The following SELENOO variants were observed in gnomAD, a reference collection of about 807,000 sequenced individuals.
The protein encoded by SELENOO is selenoprotein O.
SELENOO carries 74 observed loss-of-function variants against 58.7 expected under a neutral mutation model. The observed-to-expected ratio is 1.26, with a 90% CI of 1.04 to 1.53. SELENOO has a LOEUF of 1.53. SELENOO is among the 40% of genes most tolerant of loss of function. The probability of loss-of-function intolerance (pLI) is 0.00; values close to 1 mark genes in which losing one functional copy is unlikely to be tolerated. For synonymous variants in SELENOO, 543 were observed against 453.2 expected, an observed-to-expected ratio of 1.20 and a Z score of -2.52; for missense variants, 1,149 against 970.0, an observed-to-expected ratio of 1.18 and a Z score of -2.45.
Position 50,201,419 on chromosome 22 carries a change from C to A in SELENOO, c.383C>A (p.Ala128Glu). The A allele has an allele frequency of 7.4e-7, 1 of 1,354,086 alleles. No homozygotes were observed. Among genetic ancestry groups the A allele is most frequent in the South Asian group, 1.6e-5 (1 of 61,730 alleles). 83.9% of individuals were successfully genotyped at this position (1,354,086 alleles called of 1,614,324 possible). Residue 128 changes from alanine to glutamate, a missense_variant, in exon 1 of 9, where the codon GCG becomes GAG. Physicochemically the swap from Ala to Glu is moderately radical, Grantham distance 107. Transcript: ENST00000380903. ...AEAALFFSGNALLPGAEPAAH... is the reference protein window; with the variant it reads ...AEAALFFSGNELLPGAEPAAH... ...GCCGCGCTGTTCTTCAGCGGCAACGCGCTCCTGCCGGGCGCCGAGCCCGCC... is the reference window on the plus strand; with the variant it reads ...GCCGCGCTGTTCTTCAGCGGCAACGAGCTCCTGCCGGGCGCCGAGCCCGCC...
At position 50,217,393 on chromosome 22, in the gene SELENOO, C is replaced by T. The variant is rs2272853; in HGVS notation, c.*24C>T. On this transcript the variant is annotated 3_prime_UTR_variant, in exon 9 of 9. Coordinates refer to ENST00000380903, the MANE Select transcript of SELENOO (RefSeq NM_031454.2). The stretch of plus-strand genomic sequence containing the variant: ...AACGGCCTCGGCACGCTCCACACCC[C>T]TGGAGTCTCCCGAGGCCCCCATGTG... The T allele has an allele frequency of 6.3e-3, 10,111 of 1,609,054 alleles. 878 individuals carry two copies. The East Asian group carries it at 0.19, about 30-fold the overall frequency.
chr22:50,210,186 G>T lies in SELENOO; in HGVS notation c.945G>T (p.Thr315=). The change falls in exon 4 of 9, where the codon ACG becomes ACT. Residue 315 remains threonine, a synonymous_variant. Coordinates refer to ENST00000380903, the MANE Select transcript of SELENOO (RefSeq NM_031454.2). ...AGCACACTGTCCCACCCCAGGTGAC[G>T]CGGCGCACGGCGCGGATGGTGGCCG... is the stretch of plus-strand genomic sequence containing the variant. The part of the protein sequence containing the change: ...QRNAAFFREV[T]RRTARMVAEW... 6.2e-7 allele frequency: 1 copy of T among 1,613,046 alleles called. No individual in the cohort carries two copies.
At position 50,210,210 on chromosome 22, in the gene SELENOO, C is replaced by T. The variant is rs780623443; in HGVS notation, c.969C>T (p.Ala323=). The part of the protein sequence containing the change: ...EVTRRTARMV[A]EWQCVGFCHG... ...CGCGGCGCACGGCGCGGATGGTGGC[C>T]GAGTGGCAGTGTGTGGGCTTCTGCC... is the stretch of plus-strand genomic sequence containing the variant. The change falls in exon 4 of 9, where the codon GCC becomes GCT. Residue 323 remains alanine, a synonymous_variant. Coordinates refer to ENST00000380903, the MANE Select transcript of SELENOO (RefSeq NM_031454.2). 3.1e-6 allele frequency: 5 copies of T among 1,613,362 alleles called. No individual in the cohort carries two copies. The South Asian group carries it at 3.3e-5, about 11-fold the overall frequency.
Position 50,216,222 on chromosome 22 carries a change from G to A in SELENOO, c.1502+355G>A, listed in dbSNP as rs893173213. 1.8e-3 allele frequency among the ~76,000 whole-genome samples: 272 copies of A among 152,326 alleles called. 5 individuals are homozygous for A. Among genetic ancestry groups the A allele is most frequent in the Non-Finnish European group, 2.6e-4 (18 of 68,020 alleles). On this transcript the variant is annotated intron_variant, in intron 6 of 8. Coordinates refer to ENST00000380903, the MANE Select transcript of SELENOO (RefSeq NM_031454.2). ...GCCCTGTCTGAAGAGTCCCGCCCAC[G>A]TGCAGGATGAGACGTGGAAAATATT...
At chr22:50,206,144 G>T in intron 1 of SELENOO, 173 bp from the exon 2 acceptor site, 1 of 612,648 alleles carries the variant, frequency 1.6e-6, no homozygotes, top group Admixed American at 2.8e-5. Context: ...TGCTGGAACT[G>T]GGCGGTGTTG....
intron 1 of SELENOO, among the ~76,000 whole-genome samples, chr22:50,202,217 A>AAAACAGTACCCAC (rs55778043): frequency 1.3e-5 from 2 of 151,832 alleles, no homozygotes; most frequent in Admixed American, 1.3e-4. Flanking sequence ...AATGACTAGG[A>AAAACAGTACCCAC]AAGTGTACAT....
chr22:50,202,293 C>T (rs1436062549), intron 1 of SELENOO, among the ~76,000 whole-genome samples: 1 of 152,186 alleles, frequency 6.6e-6, no homozygotes, highest in African/African-American at 2.4e-5. Flanking sequence ...CATCACCTCC[C>T]CCTCCAGCAC....
Position 50,201,449 on chromosome 22 carries a change from A to T in SELENOO, c.413A>T (p.His138Leu), listed in dbSNP as rs1602485541. The T allele has an allele frequency of 4.3e-6, 6 of 1,396,280 alleles. No homozygotes were observed. Among genetic ancestry groups the T allele is most frequent in the Non-Finnish European group, 4.7e-6 (5 of 1,069,686 alleles). The allele number at this position is 1,396,280 out of a possible 1,614,324, so 86.5% of individuals were successfully genotyped here. A position where few individuals can be genotyped will look rare whatever the true frequency, so the allele number is the denominator to read the frequency against. The change falls in exon 1 of 9, where the codon CAC becomes CTC. Residue 138 changes from histidine (H) to leucine (L), a missense_variant. Coordinates refer to ENST00000380903, the MANE Select transcript of SELENOO (RefSeq NM_031454.2). ...CTGCCGGGCGCCGAGCCCGCCGCGCACTGCTACTGCGGCCACCAATTCGGC... is the reference window on the plus strand; with the variant it reads ...CTGCCGGGCGCCGAGCCCGCCGCGCTCTGCTACTGCGGCCACCAATTCGGC... ...ALLPGAEPAA[H>L]CYCGHQFGQF... is the part of the protein sequence containing the mutation.
At chr22:50,201,669 G>C (rs1569099033) in intron 1 of SELENOO, 79 bp downstream of exon 1, 1 of 1,082,806 alleles carries the variant, frequency 9.2e-7, no homozygotes, top group Non-Finnish European at 1.2e-6. Flanking sequence ...GCGGTGTTGG[G>C]GGCGTCCGGC....
In SELENOO at chr22:50,201,496, G is replaced by A; in HGVS notation, c.460G>A (p.Asp154Asn). 1.4e-6 allele frequency: 2 copies of A among 1,425,252 alleles called. No homozygotes were observed. The highest frequency in any genetic ancestry group is 1.4e-5 in the South Asian group (1 of 73,224). 88.3% of individuals were successfully genotyped at this position (1,425,252 alleles called of 1,614,324 possible). A position where few individuals can be genotyped will look rare whatever the true frequency, so the allele number is the denominator to read the frequency against. The change falls in exon 1 of 9, where the codon GAC (aspartate) becomes AAC (asparagine). Residue 154 changes from aspartate (D) to asparagine (N), a missense_variant. Asp to Asn is a conservative substitution (Grantham distance 23). Coordinates refer to ENST00000380903, the MANE Select transcript of SELENOO (RefSeq NM_031454.2). ...QFGQFAGQLG[D>N]GAAMYLGEVC... ...CGGCCAGTTCGCCGGGCAGCTGGGCGACGGCGCCGCCATGTACCTGGGCGA... is the reference window on the plus strand; with the variant it reads ...CGGCCAGTTCGCCGGGCAGCTGGGCAACGGCGCCGCCATGTACCTGGGCGA...
At position 50,217,055 on chromosome 22, in the gene SELENOO, AC is replaced by A. The variant is rs750235094; in HGVS notation, c.1775del (p.Pro592ArgfsTer5). 6.2e-7 allele frequency: 1 copy of A among 1,612,716 alleles called. No individual in the cohort carries two copies. Among genetic ancestry groups the A allele is most frequent in the African/African-American group, 1.3e-5 (1 of 75,060 alleles). On this transcript the variant is annotated frameshift_variant, in exon 8 of 9. Transcript: ENST00000380903. LOFTEE classifies it high-confidence loss of function. ...AEHVRVMHANNPKYVLRNYIA... is the reference protein window; with the variant it reads ...AEHVRVMHANXPKYVLRNYIA... Reference sequence around the variant, plus strand: ...CACGTGCGCGTGATGCACGCCAACAACCCGAAGTACGTGCTGAGGAACTACA... The same window carrying A: ...CACGTGCGCGTGATGCACGCCAACAACCGAAGTACGTGCTGAGGAACTACA...
rs530212997 is a variant in SELENOO, at chr22:50,217,034, T to C, written c.1751T>C (p.Val584Ala). The C allele has an allele frequency of 1.2e-5, 19 of 1,612,274 alleles. No homozygotes were observed. The highest frequency in any genetic ancestry group is 5.5e-5 in the South Asian group (5 of 91,092). Residue 584 changes from valine to alanine, a missense_variant, in exon 8 of 9, where the codon GTG (valine) becomes GCG (alanine). By Grantham distance (64) the Val-to-Ala change is moderately conservative (BLOSUM62 0). Coordinates refer to ENST00000380903, the MANE Select transcript of SELENOO (RefSeq NM_031454.2). Reference sequence around the variant, plus strand: ...GCTGCCGCCTGGCAGGCTGAGCACGTGCGCGTGATGCACGCCAACAACCCG... The same window carrying C: ...GCTGCCGCCTGGCAGGCTGAGCACGCGCGCGTGATGCACGCCAACAACCCG... ...GDAAAWQAEH[V>A]RVMHANNPKY...
rs748495457 is a variant in SELENOO, at chr22:50,217,297, C to A, written c.1938C>A (p.Asp646Glu). Residue 646 changes from aspartate (D) to glutamate (E), a missense_variant, in exon 9 of 9, where the codon GAC (aspartate) becomes GAA (glutamate). Physicochemically the swap from Asp to Glu is conservative, Grantham distance 45. Coordinates refer to ENST00000380903, the MANE Select transcript of SELENOO (RefSeq NM_031454.2). ...DAEATEADGA[D>E]GRQRSYSSKP... ...AGGCCACGGAAGCCGACGGGGCGGA[C>A]GGCAGGCAGCGCTCCTACAGCAGTA... is the stretch of plus-strand genomic sequence containing the variant. 1.9e-6 allele frequency: 3 copies of A among 1,612,568 alleles called. No individual in the cohort carries two copies. Among genetic ancestry groups the A allele is most frequent in the African/African-American group, 2.7e-5 (2 of 74,900 alleles).
intron 6 of SELENOO, among the ~76,000 whole-genome samples, chr22:50,216,459 G>T (rs2038049): frequency 2.6e-5 from 4 of 152,090 alleles, no homozygotes; most frequent in South Asian, 2.1e-4. Flanking sequence ...GGGCAGCAGA[G>T]TGGTCCTGCC....
chr22:50,206,062 A>G, intron 1 of SELENOO: 1 of 559,888 alleles, frequency 1.8e-6, no homozygotes, highest in Non-Finnish European at 3.2e-6. Context: ...CTGGGCAGGA[A>G]GACGGGCTGC....
At chr22:50,204,637 C>T (rs1440491730) in intron 1 of SELENOO, among the ~76,000 whole-genome samples, 1 of 147,806 alleles carries the variant, frequency 6.8e-6, no homozygotes, top group Admixed American at 6.7e-5. Flanking sequence ...AAAAAAAAAT[C>T]GTAAGTTAAA....
In SELENOO at chr22:50,208,713, G is replaced by A; in HGVS notation, c.936G>A (p.Arg312=). 1 of 1,611,208 alleles carries A rather than the reference G, an allele frequency of 6.2e-7. No homozygotes were observed. Among genetic ancestry groups the A allele is most frequent in the Middle Eastern group, 1.7e-4 (1 of 6,054 alleles). Residue 312 remains arginine, a synonymous_variant, in exon 3 of 9, where the codon CGG becomes CGA. Coordinates refer to ENST00000380903, the MANE Select transcript of SELENOO (RefSeq NM_031454.2). ...TGCAGAGAAATGCTGCCTTCTTCCGGGAGGTCAGTGGGCCGCACGCCACCC... is the reference window on the plus strand; with the variant it reads ...TGCAGAGAAATGCTGCCTTCTTCCGAGAGGTCAGTGGGCCGCACGCCACCC... ...DSVQRNAAFF[R]EVTRRTARMV...
chr22:50,210,333 C>T (rs376513782), intron 4 of SELENOO, 22 bp downstream of exon 4: 7 of 1,610,794 alleles, frequency 4.3e-6, no homozygotes, highest in African/African-American at 1.3e-5. Flanking sequence ...TGGGGCCCAG[C>T]AAAGTGCAGG....
rs2294398 is a variant in SELENOO, at chr22:50,206,229, G to A, written c.555-88G>A. On this transcript the variant is annotated intron_variant, in intron 1 of 8. Coordinates refer to ENST00000380903, the MANE Select transcript of SELENOO (RefSeq NM_031454.2). Reference sequence around the variant, plus strand: ...CGTGCAAGCTGCTCACGTTACACGCGTTCCCTCCTTTCCATGTGCTGCCCG... The same window carrying A: ...CGTGCAAGCTGCTCACGTTACACGCATTCCCTCCTTTCCATGTGCTGCCCG... 9.8e-3 allele frequency: 11,632 copies of A among 1,184,028 alleles called. 1,099 individuals carry two copies. In the East Asian group the frequency reaches 0.2, roughly 21 times the overall value. The allele number at this position is 1,184,028 out of a possible 1,614,324, so 73.3% of individuals were successfully genotyped here. A position where few individuals can be genotyped will look rare whatever the true frequency, so the allele number is the denominator to read the frequency against.
Sources: allele counts gnomAD v4.1 joint callset (sites outside exome capture counted in the v4.1 genomes callset), GRCh38; gene constraint gnomAD v4.1.1; transcripts MANE v1.5; gene names NCBI Gene and HGNC (gene_info 2026-07-23, HGNC 2026-07-21).